CASP10: variants seen among roughly 807,000 people sequenced by gnomAD.
CASP10 encodes caspase-10.
CASP10 carries 41 observed loss-of-function variants against 48.5 expected under a neutral mutation model. The ratio of observed to expected loss-of-function variants is 0.85; its 90% confidence interval spans 0.66 to 1.10. CASP10 has a LOEUF of 1.10. Among genes scored for constraint, CASP10 ranks in the 50% least tolerant of loss-of-function variants. The probability of loss-of-function intolerance (pLI) is 0.00; values close to 1 mark genes in which losing one functional copy is unlikely to be tolerated. For synonymous variants in CASP10, 232 were observed against 238.4 expected (o/e 0.97, Z 0.25); for missense variants, 614 against 614.5 (o/e 1.00, Z 0.01).
At chr2:201,210,466 C>T (rs1477234360) in intron 9 of CASP10, among the ~76,000 whole-genome samples, 1 of 152,214 alleles carries the variant, frequency 6.6e-6, no homozygotes, top group African/African-American at 2.4e-5. Context: ...TATCCTACCT[C>T]TGTTTAGCCC....
chr2:201,201,909 A>AT (rs1265801814), intron 5 of CASP10, among the ~76,000 whole-genome samples: 1 of 152,018 alleles, frequency 6.6e-6, no homozygotes, highest in Admixed American at 6.6e-5. Context: ...AATTAAATTT[A>AT]TTTTTTTCTC....
chr2:201,225,009 C>T (rs1321046743), downstream of CASP10, among the ~76,000 whole-genome samples: 1 of 152,156 alleles, frequency 6.6e-6, no homozygotes, highest in Non-Finnish European at 1.5e-5. Flanking sequence ...ATCATGCATC[C>T]AGTAAACTTT....
chr2:201,228,706 C>A (rs1167092993), intron 9 of CASP10, among the ~76,000 whole-genome samples: 1 of 152,158 alleles, frequency 6.6e-6, no homozygotes, highest in African/African-American at 2.4e-5. Flanking sequence ...CCAACTTTAT[C>A]AACAGTTTTA....
At chr2:201,205,726 A>C (rs1056771285) in intron 6 of CASP10, among the ~76,000 whole-genome samples, 156 bp from the exon 7 acceptor site, 2 of 152,222 alleles carry the variant, frequency 1.3e-5, no homozygotes, top group Non-Finnish European at 2.9e-5. Flanking sequence ...GCGAAGACAC[A>C]TCAGTCTCTC....
rs189124178 is a variant in CASP10, at chr2:201,191,290, C to T, written c.442-1694C>T. 3.8e-3 allele frequency among the ~76,000 whole-genome samples: 574 copies of T among 152,126 alleles called. 5 individuals are homozygous for T. Among genetic ancestry groups the T allele is most frequent in the South Asian group, 6.6e-3 (32 of 4,826 alleles). ...TTCTCAGTATAACAGTAAAAGGAAA[C>T]GTAACTGTGCTTAGCTGTGGCATGG... On this transcript the variant is annotated intron_variant, in intron 3 of 9. Transcript: ENST00000286186.
At chr2:201,200,473 G>A in intron 5 of CASP10, 1 of 1,598,366 alleles carries the variant, frequency 6.3e-7, no homozygotes, top group Non-Finnish European at 8.5e-7. Flanking sequence ...AAATGAAGGA[G>A]ACCGTGGAAA....
At chr2:201,228,959 T>C in exon 10 of CASP10, 1 of 1,614,104 alleles carries the variant, frequency 6.2e-7, no homozygotes, top group South Asian at 1.1e-5. Context: ...GAAAAGACAA[T>C]GGAAATCAGG....
At chr2:201,198,829 C>G (rs1020828144) in intron 5 of CASP10, among the ~76,000 whole-genome samples, 18 of 152,246 alleles carry the variant, frequency 1.2e-4, no homozygotes, top group African/African-American at 4.1e-4. Flanking sequence ...CGTGAGCCAC[C>G]GCGCCCGGCC....
At chr2:201,195,465 T>A (rs1193309430) in intron 4 of CASP10, among the ~76,000 whole-genome samples, 1 of 152,120 alleles carries the variant, frequency 6.6e-6, no homozygotes, top group Non-Finnish European at 1.5e-5. Context: ...CAATCATTAT[T>A]GATATTTTAA....
intron 2 of CASP10, 45 bp downstream of exon 2, chr2:201,186,169 T>A (rs1395915684): frequency 7.1e-7 from 1 of 1,410,740 alleles, no homozygotes; most frequent in Non-Finnish European, 1.0e-6. Context: ...TCCCATCTAG[T>A]GTTCATTCTG....
chr2:201,197,925 A>G (rs1352402954), intron 5 of CASP10, among the ~76,000 whole-genome samples: 3 of 152,128 alleles, frequency 2.0e-5, no homozygotes, highest in Non-Finnish European at 4.4e-5. Context: ...TTTTTGAGGA[A>G]CCTTCATTCT....
rs758842495 is a variant in CASP10 at position 201,209,495 on chromosome 2, C to T, written c.1348C>T (p.Arg450Trp). 2.5e-5 allele frequency: 41 copies of T among 1,613,490 alleles called. No individual in the cohort carries two copies. Among genetic ancestry groups the T allele is most frequent in the East Asian group, 4.5e-5 (2 of 44,898 alleles). ...CACTGTCCCAGGCTATGTATCCTTT[C>T]GGCATGTGGAGGAAGGCAGCTGGTA... ...LATVPGYVSF[R>W]HVEEGSWYIQ... The change falls in exon 9 of 10, where the codon CGG (arginine) becomes TGG (tryptophan). Residue 450 changes from arginine to tryptophan, a missense_variant. Coordinates refer to ENST00000286186, the MANE Select transcript of CASP10 (RefSeq NM_032977.4).
At chr2:201,223,726 A>C (rs1945753330), downstream of CASP10, among the ~76,000 whole-genome samples, 1 of 152,192 alleles carries the variant, frequency 6.6e-6, no homozygotes, top group African/African-American at 2.4e-5. Context: ...TTTGCTCTTA[A>C]GGATGTGATA....
intron 7 of CASP10, 48 bp from the exon 8 acceptor site, chr2:201,208,027 G>T: frequency 7.5e-7 from 1 of 1,334,854 alleles, no homozygotes; most frequent in Non-Finnish European, 1.1e-6. Flanking sequence ...AAACATTTAA[G>T]GCCCTAAGAT....
intron 8 of CASP10, 31 bp from the exon 9 acceptor site, chr2:201,209,039 C>G (rs768650112): frequency 6.7e-7 from 1 of 1,485,212 alleles, no homozygotes; most frequent in South Asian, 1.2e-5. Context: ...CTCTCTCTCT[C>G]TCTTTTTTTT....
chr2:201,208,053 G>C (rs769831223), intron 7 of CASP10, 22 bp from the exon 8 acceptor site: 7 of 1,556,088 alleles, frequency 4.5e-6, no homozygotes, highest in Non-Finnish European at 6.2e-6. Flanking sequence ...TTCCTACTAA[G>C]TGGCTCTATC....
intron 4 of CASP10, 57 bp from the exon 5 acceptor site, chr2:201,195,785 C>A: frequency 7.3e-7 from 1 of 1,377,338 alleles, no homozygotes; most frequent in Non-Finnish European, 1.0e-6. Context: ...TCAAGCAATT[C>A]TCCTGCTGCT....
At chr2:201,214,184 G>C (rs1198427457) in intron 9 of CASP10, 1 of 152,088 alleles carries the variant, frequency 6.6e-6, no homozygotes, top group African/African-American at 2.4e-5. Flanking sequence ...TAATAAGTAG[G>C]GGGAGGGATC....
intron 5 of CASP10, among the ~76,000 whole-genome samples, chr2:201,201,921 G>GC (rs1316904776): frequency 1.3e-5 from 2 of 151,914 alleles, no homozygotes; most frequent in African/African-American, 4.8e-5. Flanking sequence ...TTTTTTCTCA[G>GC]CCCCCTGCAA....
Sources: allele counts gnomAD v4.1 joint callset (sites outside exome capture counted in the v4.1 genomes callset), GRCh38; gene constraint gnomAD v4.1.1; transcripts MANE v1.5; gene names NCBI Gene and HGNC (gene_info 2026-07-23, HGNC 2026-07-21).